PDGFC: variants seen among roughly 807,000 people sequenced by gnomAD.
PDGFC encodes platelet derived growth factor C.
PDGFC carries 12 observed loss-of-function variants against 35.5 expected under a neutral mutation model. That is an observed-to-expected ratio of 0.34 (90% CI 0.22 to 0.55). The LOEUF is 0.55. Among genes scored for constraint, PDGFC ranks in the 20% least tolerant of loss-of-function variants. The pLI, the probability that PDGFC is intolerant of heterozygous loss-of-function variation, is 0.91. For missense variants in PDGFC, 322 were observed against 412.4 expected (o/e 0.78, Z 1.90); for synonymous variants, 159 against 148.8 (o/e 1.07, Z -0.50).
intron 2 of PDGFC, among the ~76,000 whole-genome samples, chr4:156,824,423 T>C (rs1732384756): frequency 6.7e-6 from 1 of 150,338 alleles, no homozygotes; most frequent in South Asian, 2.1e-4. Flanking sequence ...CACACACACA[T>C]ATATATACAC....
At chr4:156,793,008 G>T (rs1006676614) in intron 3 of PDGFC, among the ~76,000 whole-genome samples, 8 of 152,108 alleles carry the variant, frequency 5.3e-5, no homozygotes, top group African/African-American at 1.9e-4. Context: ...AGAGATTGAT[G>T]AGTTCTTCAA....
intron 1 of PDGFC, among the ~76,000 whole-genome samples, chr4:156,925,969 C>T (rs1731401221): frequency 6.9e-6 from 1 of 145,520 alleles, no homozygotes; most frequent in East Asian, 2.1e-4. Flanking sequence ...AGAGGATCAC[C>T]TGAGCCTGGG....
At chr4:156,775,992 C>T (rs1730817972) in intron 3 of PDGFC, among the ~76,000 whole-genome samples, 1 of 152,050 alleles carries the variant, frequency 6.6e-6, no homozygotes, top group South Asian at 2.1e-4. Context: ...TATTTAAGGG[C>T]CTTCTCATGA....
chr4:156,839,717 A>G (rs1034011324), intron 2 of PDGFC, among the ~76,000 whole-genome samples: 2 of 152,226 alleles, frequency 1.3e-5, no homozygotes, highest in Non-Finnish European at 2.9e-5. Flanking sequence ...TGGAGGGCTC[A>G]GAAGACAGGA....
chr4:156,920,444 T>C (rs567204444), intron 1 of PDGFC, among the ~76,000 whole-genome samples: 2 of 152,138 alleles, frequency 1.3e-5, no homozygotes, highest in Non-Finnish European at 2.9e-5. Flanking sequence ...AATGGGGATG[T>C]GAACAAAGAT....
chr4:156,926,920 G>A (rs1731429747), intron 1 of PDGFC, among the ~76,000 whole-genome samples: 1 of 152,194 alleles, frequency 6.6e-6, no homozygotes, highest in Non-Finnish European at 1.5e-5. Context: ...CACTGCCCTA[G>A]CAGAGGTTCT....
chr4:156,771,580 C>T (rs577296414), intron 4 of PDGFC, among the ~76,000 whole-genome samples: 3 of 152,238 alleles, frequency 2.0e-5, no homozygotes, highest in Non-Finnish European at 4.4e-5. Context: ...AAGGAAACCA[C>T]GTCTGTTGGC....
intron 2 of PDGFC, among the ~76,000 whole-genome samples, chr4:156,839,642 G>C (rs1729150338): frequency 6.6e-6 from 1 of 152,184 alleles, no homozygotes; most frequent in African/African-American, 2.4e-5. Flanking sequence ...GCAGAAACTG[G>C]AACCATTTGG....
intron 1 of PDGFC, among the ~76,000 whole-genome samples, chr4:156,902,358 A>C (rs1466022865): frequency 6.6e-6 from 1 of 152,178 alleles, no homozygotes; most frequent in East Asian, 1.9e-4. Context: ...TGAAACTAAC[A>C]TAAAGTCACA....
chr4:156,958,421 T>C (rs1407559281), intron 1 of PDGFC, among the ~76,000 whole-genome samples: 3 of 152,058 alleles, frequency 2.0e-5, no homozygotes, highest in African/African-American at 2.4e-5. Context: ...GAAGCAGTTA[T>C]TTCTGCTGCC....
At chr4:156,792,186 G>T (rs754088583) in intron 3 of PDGFC, among the ~76,000 whole-genome samples, 5 of 152,114 alleles carry the variant, frequency 3.3e-5, no homozygotes, top group Admixed American at 1.3e-4. Flanking sequence ...TGAATCTGGT[G>T]GGTGAGTGGT....
intron 5 of PDGFC, among the ~76,000 whole-genome samples, chr4:156,763,503 T>C (rs763784945): frequency 2.0e-5 from 3 of 152,210 alleles, no homozygotes; most frequent in Non-Finnish European, 2.9e-5. Context: ...TTTATTTATC[T>C]GACTATTTTA....
chr4:156,950,485 C>T (rs557107391), intron 1 of PDGFC, among the ~76,000 whole-genome samples: 8 of 151,968 alleles, frequency 5.3e-5, no homozygotes, highest in Non-Finnish European at 1.0e-4. Context: ...TTCATTAAAA[C>T]GGTATAGAAA....
intron 3 of PDGFC, among the ~76,000 whole-genome samples, chr4:156,800,814 C>T (rs1173491111): frequency 6.6e-6 from 1 of 152,196 alleles, no homozygotes; most frequent in Non-Finnish European, 1.5e-5. Flanking sequence ...CAACCCTCAT[C>T]TTGCCTTTAA....
At chr4:156,764,463 G>A (rs1439629844) in intron 5 of PDGFC, among the ~76,000 whole-genome samples, 8 of 152,144 alleles carry the variant, frequency 5.3e-5, no homozygotes, top group Admixed American at 5.2e-4. Context: ...CAGAGTAAGT[G>A]ACACAGCCTT....
Position 156,857,588 on chromosome 4 carries a change from A to C in PDGFC, c.119-7172T>G, listed in dbSNP as rs181497626. 1.0e-3 allele frequency among the ~76,000 whole-genome samples: 152 copies of C among 152,212 alleles called. 1 individual carries two copies. Among genetic ancestry groups the C allele is most frequent in the Non-Finnish European group, 1.6e-3 (111 of 67,992 alleles). ...GGGGGCCTGTGTTCAGGAAGTACAC[A>C]ACAAAGCTTCCACATGCAATGAAGG... On this transcript the variant is annotated intron_variant, in intron 1 of 5. Transcript: ENST00000502773.
intron 1 of PDGFC, among the ~76,000 whole-genome samples, chr4:156,899,552 C>A (rs1457338605): frequency 6.6e-6 from 1 of 152,202 alleles, no homozygotes; most frequent in Non-Finnish European, 1.5e-5. Flanking sequence ...TGGTGGCTCA[C>A]ACCTGTAATC....
intron 1 of PDGFC, among the ~76,000 whole-genome samples, chr4:156,891,906 A>G (rs1217173668): frequency 6.6e-6 from 1 of 152,212 alleles, no homozygotes; most frequent in East Asian, 1.9e-4. Flanking sequence ...AAAGAGTTTT[A>G]TAACTGAATA....
At chr4:156,878,667 T>A (rs1398153715) in intron 1 of PDGFC, among the ~76,000 whole-genome samples, 2 of 152,170 alleles carry the variant, frequency 1.3e-5, no homozygotes, top group Non-Finnish European at 2.9e-5. Context: ...CCAATGAGAA[T>A]TTCCTTTGAG....
Sources: allele counts gnomAD v4.1 joint callset (sites outside exome capture counted in the v4.1 genomes callset), GRCh38; gene constraint gnomAD v4.1.1; transcripts MANE v1.5; gene names NCBI Gene and HGNC (gene_info 2026-07-23, HGNC 2026-07-21).